The following CACNA2D4 variants were observed in gnomAD, a reference collection of about 807,000 sequenced individuals.
CACNA2D4 encodes the protein voltage-dependent calcium channel subunit alpha-2/delta-4.
Under a neutral mutation model 163.8 loss-of-function variants are expected in CACNA2D4, and 157 were observed. That is an observed-to-expected ratio of 0.96 (90% confidence interval 0.84 to 1.09). The LOEUF (loss-of-function observed/expected upper bound fraction) is 1.09, where lower values mean the gene tolerates loss of function less well. Among genes scored for constraint, CACNA2D4 ranks in the 50% least tolerant of loss-of-function variants. The pLI is 0.00. For missense variants in CACNA2D4, 1,410 were observed against 1,479.9 expected, an observed-to-expected ratio of 0.95 and a Z score of 0.78; for synonymous variants, 598 against 586.9, an observed-to-expected ratio of 1.02 and a Z score of -0.27.
At chr12:1,886,194 G>A (rs1452420876) in intron 8 of CACNA2D4, 29 bp downstream of exon 8, 5 of 1,606,554 alleles carry the variant, frequency 3.1e-6, no homozygotes, top group African/African-American at 2.7e-5. Flanking sequence ...GCAAGTGAGA[G>A]CTATTCTAGA....
Position 1,806,869 on chromosome 12 carries a change from G to A in CACNA2D4, c.2721+3409C>T, listed in dbSNP as rs559148246. Among the ~76,000 whole-genome samples the A allele has an allele frequency of 5.9e-5, 9 of 152,214 alleles. No individual in the cohort carries two copies. The South Asian group carries it at 1.9e-3, about 32-fold the overall frequency. On this transcript the variant is annotated intron_variant, in intron 29 of 37. Transcript: ENST00000382722. This position sits in a 1 kb window ranked among gnomAD's most constrained non-coding sequence, Gnocchi z 4.1. ...GAGGCCTAGAGATAAGCAGGGAGGA[G>A]CAGTGAGGAATGAATGAGTTAGGGG...
chr12:1,909,316 T>C (rs985085420), intron 4 of CACNA2D4, among the ~76,000 whole-genome samples: 9 of 152,222 alleles, frequency 5.9e-5, no homozygotes, highest in Admixed American at 4.6e-4. Context: ...CTCAGCCTCC[T>C]GAGTAGCTGG....
intron 37 of CACNA2D4, among the ~76,000 whole-genome samples, chr12:1,794,241 G>T (rs1259407817): frequency 6.6e-6 from 1 of 152,140 alleles, no homozygotes; most frequent in Admixed American, 6.5e-5. Context: ...TTCACCTAGG[G>T]CCCAAGCCCT....
chr12:1,862,410 G>C (rs1389277408), intron 18 of CACNA2D4, among the ~76,000 whole-genome samples: 4 of 152,174 alleles, frequency 2.6e-5, no homozygotes, highest in Non-Finnish European at 5.9e-5. Context: ...AGCCACTATA[G>C]AGAATCTTGC....
chr12:1,864,870 G>A (rs76657028), intron 18 of CACNA2D4, among the ~76,000 whole-genome samples: 1 of 152,222 alleles, frequency 6.6e-6, no homozygotes, highest in Non-Finnish European at 1.5e-5. Flanking sequence ...GGGGTCTCTG[G>A]GGTCAGGAAG....
rs1050257404 is a variant in CACNA2D4, at chr12:1,829,584, G to A, written c.2551+11155C>T. ...TGTCATCGATCCTCCAGGCAGGGAA[G>A]GGGAGAGTCTCATCCTGTTCCTTCA... On this transcript the variant is annotated intron_variant, in intron 26 of 37. Coordinates refer to ENST00000382722, the MANE Select transcript of CACNA2D4 (RefSeq NM_172364.5). This position sits in a 1 kb window ranked among gnomAD's most constrained non-coding sequence, Gnocchi z 4.2. Among the ~76,000 whole-genome samples, 1 of 152,050 alleles carries A rather than the reference G, an allele frequency of 6.6e-6. No individual in the cohort carries two copies. Among genetic ancestry groups the A allele is most frequent in the Non-Finnish European group, 1.5e-5 (1 of 68,004 alleles).
intron 23 of CACNA2D4, 125 bp from the exon 24 acceptor site, chr12:1,846,814 A>AACCC: frequency 3.8e-6 from 3 of 782,612 alleles, no homozygotes; most frequent in Non-Finnish European, 6.4e-6. Context: ...ACTTTCCAGG[A>AACCC]AGGCTGGGTT....
At chr12:1,796,382 G>A (rs937488674) in intron 35 of CACNA2D4, among the ~76,000 whole-genome samples, 22 of 152,244 alleles carry the variant, frequency 1.4e-4, no homozygotes, top group African/African-American at 3.9e-4. Context: ...CAGCCTTCAC[G>A]GCTCTGTATG....
intron 26 of CACNA2D4, among the ~76,000 whole-genome samples, chr12:1,838,448 G>A (rs1194067243): frequency 6.6e-6 from 1 of 152,252 alleles, no homozygotes; most frequent in Non-Finnish European, 1.5e-5. Context: ...TTCAGCTACA[G>A]GCTCCAGCTG....
rs149353338 is a variant in CACNA2D4, at chr12:1,890,220, A to T, written c.782-3151T>A. Among the ~76,000 whole-genome samples the T allele has an allele frequency of 5.6e-3, 847 of 152,142 alleles. 3 individuals are homozygous for T. Among genetic ancestry groups the T allele is most frequent in the African/African-American group, 0.02 (824 of 41,488 alleles). ...GGTGAGGGCATTGCTCCAGAGAGGG[A>T]GCTCACACTGGATCTCATACACCCC... On this transcript the variant is annotated intron_variant, in intron 6 of 37. Transcript: ENST00000382722.
chr12:1,804,714 A>G (rs987775741), intron 29 of CACNA2D4, among the ~76,000 whole-genome samples: 6 of 152,250 alleles, frequency 3.9e-5, no homozygotes, highest in African/African-American at 1.4e-4. Flanking sequence ...ACTTCCGGGA[A>G]GCGGGCCCAA....
rs558667132 is a variant in CACNA2D4 at position 1,872,177 on chromosome 12, G to C, written c.1878+2427C>G. ...AACATTTTTGGAATGAGTTGCACAT[G>C]TTTCAAACATGGGTCTTAGCCGTCT... On this transcript the variant is annotated intron_variant, in intron 18 of 37. Transcript: ENST00000382722. 1.1e-4 allele frequency among the ~76,000 whole-genome samples: 17 copies of C among 152,330 alleles called. No homozygotes were observed. In the South Asian group the frequency reaches 3.5e-3, roughly 32 times the overall value.
At chr12:1,868,514 T>G (rs1478192589) in intron 18 of CACNA2D4, among the ~76,000 whole-genome samples, 2 of 151,442 alleles carry the variant, frequency 1.3e-5, no homozygotes, top group Admixed American at 1.3e-4. Flanking sequence ...ATGTTGTGAT[T>G]ATCTAGGATG....
At chr12:1,893,691 T>C (rs544212390) in intron 6 of CACNA2D4, among the ~76,000 whole-genome samples, 4 of 152,112 alleles carry the variant, frequency 2.6e-5, no homozygotes, top group South Asian at 2.1e-4. Flanking sequence ...AAGGAGGAAA[T>C]TTAAAACTTA....
intron 23 of CACNA2D4, among the ~76,000 whole-genome samples, chr12:1,852,429 G>A (rs1318956528): frequency 2.6e-5 from 4 of 152,136 alleles, no homozygotes; most frequent in African/African-American, 4.8e-5. Flanking sequence ...CATCACTTTG[G>A]GAGGCTGAGG....
intron 30 of CACNA2D4, among the ~76,000 whole-genome samples, 193 bp from the exon 31 acceptor site, chr12:1,801,311 G>C (rs1280056342): frequency 6.6e-6 from 1 of 152,232 alleles, no homozygotes. Flanking sequence ...ACAATGAAGA[G>C]CAAATGGCTT....
At chr12:1,826,421 A>G (rs1428899658) in intron 26 of CACNA2D4, among the ~76,000 whole-genome samples, 2 of 32,720 alleles carry the variant, frequency 6.1e-5, no homozygotes, top group Non-Finnish European at 1.5e-4. Flanking sequence ...CCCCCCGCCA[A>G]CTGGCACCAG....
intron 18 of CACNA2D4, among the ~76,000 whole-genome samples, chr12:1,871,059 CTGG>C (rs1436160059): frequency 6.6e-6 from 1 of 151,962 alleles, no homozygotes; most frequent in African/African-American, 2.4e-5. Context: ...GTGTGTGTTG[CTGG>C]TGGTGTGTAC....
In CACNA2D4 at chr12:1,826,409, C is replaced by CT. The variant is rs1040917310; in HGVS notation, c.2551+14329_2551+14330insA. On this transcript the variant is annotated intron_variant, in intron 26 of 37. Coordinates refer to ENST00000382722, the MANE Select transcript of CACNA2D4 (RefSeq NM_172364.5). ...GAGATTTGAACCCAGAGCCCCCCCC[C>CT]CCCCCCCGCCAACTGGCACCAGGAG... Among the ~76,000 whole-genome samples, 12 of 60,718 alleles carry CT rather than the reference C, an allele frequency of 2.0e-4. 1 individual carries two copies. The highest frequency in any genetic ancestry group is 1.7e-4 in the Non-Finnish European group (4 of 23,766). 39.8% of individuals were successfully genotyped at this position (60,718 alleles called of 152,430 possible).
Sources: allele counts gnomAD v4.1 joint callset (sites outside exome capture counted in the v4.1 genomes callset), GRCh38; gene constraint gnomAD v4.1.1; non-coding constraint Gnocchi (gnomAD v3.1); transcripts MANE v1.5; gene names NCBI Gene and HGNC (gene_info 2026-07-23, HGNC 2026-07-21).